Variants in MSRA observed in about 807,000 individuals in gnomAD.
MSRA encodes methionine sulfoxide reductase A, also known as mitochondrial peptide methionine sulfoxide reductase.
A neutral mutation model predicts 31.3 loss-of-function variants in MSRA; 54 were observed. The observed-to-expected ratio is 1.73, with a 90% confidence interval of 1.39 to 2.17. MSRA has a LOEUF of 2.17. MSRA is among the 30% of genes most tolerant of loss of function. The pLI, the probability that MSRA is intolerant of heterozygous loss-of-function variation, is 0.00. For missense variants in MSRA, 507 were observed against 300.9 expected (o/e 1.69, Z -5.07); for synonymous variants, 169 against 116.5 (o/e 1.45, Z -2.90).
chr8:10,254,145 C>G (rs1798058045), intron 3 of MSRA, among the ~76,000 whole-genome samples: 1 of 152,106 alleles, frequency 6.6e-6, no homozygotes, highest in African/African-American at 2.4e-5. Context: ...ATTGTGAAGT[C>G]TCTCAGGGAA....
In MSRA at chr8:10,054,621, G is replaced by A. The variant is rs539805244; in HGVS notation, c.105G>A (p.Glu35=). The A allele has an allele frequency of 1.3e-6, 2 of 1,577,326 alleles. No individual in the cohort carries two copies. The highest frequency in any genetic ancestry group is 2.5e-5 in the East Asian group (1 of 39,782). ...CCTCGAACATCGTCAGCCCCCAGGA[G>A]GCCTTGCCGGGCCGGAAGGAACAGA... ...NSASNIVSPQ[E]ALPGRKEQTP... Residue 35 remains glutamate, a synonymous_variant, in exon 1 of 6, where the codon GAG becomes GAA. Coordinates refer to ENST00000317173, the MANE Select transcript of MSRA (RefSeq NM_012331.5).
chr8:10,315,245 C>T (rs1801646461), intron 4 of MSRA, among the ~76,000 whole-genome samples: 1 of 152,124 alleles, frequency 6.6e-6, no homozygotes, highest in Non-Finnish European at 1.5e-5. Flanking sequence ...TGGGAGGGGA[C>T]ACAGTCAAAC....
chr8:10,329,913 G>A (rs551390079), intron 5 of MSRA, among the ~76,000 whole-genome samples: 1 of 151,556 alleles, frequency 6.6e-6, no homozygotes, highest in East Asian at 1.9e-4. Flanking sequence ...CAATTTTACT[G>A]CTATACTACT....
At chr8:10,170,415 G>A (rs2129046093) in intron 1 of MSRA, among the ~76,000 whole-genome samples, 1 of 152,268 alleles carries the variant, frequency 6.6e-6, no homozygotes, top group South Asian at 2.1e-4. Context: ...CTATGAATTA[G>A]GAAGCAGGTC....
intron 5 of MSRA, among the ~76,000 whole-genome samples, chr8:10,380,821 G>A (rs910602654): frequency 1.3e-5 from 2 of 151,730 alleles, no homozygotes; most frequent in African/African-American, 4.8e-5. Context: ...GGGTTGGGTG[G>A]AGAGATGGAT....
intron 1 of MSRA, among the ~76,000 whole-genome samples, chr8:10,163,093 A>G (rs965314092): frequency 3.9e-5 from 6 of 152,128 alleles, no homozygotes; most frequent in African/African-American, 7.2e-5. Context: ...TCTTTGCACC[A>G]TGGGAGGACA....
chr8:10,216,611 T>C (rs1040521516), intron 2 of MSRA, among the ~76,000 whole-genome samples: 1 of 152,224 alleles, frequency 6.6e-6, no homozygotes, highest in East Asian at 1.9e-4. Context: ...ACCTCTATTC[T>C]ACTTCCTGTC....
At chr8:10,319,138 G>A (rs567790806) in intron 4 of MSRA, among the ~76,000 whole-genome samples, 76 of 152,140 alleles carry the variant, frequency 5.0e-4, no homozygotes, top group African/African-American at 1.8e-3. Flanking sequence ...ATGCCTGCTG[G>A]TCTCTGTTTC....
chr8:10,072,461 C>G (rs963300712), intron 1 of MSRA, among the ~76,000 whole-genome samples: 4 of 152,158 alleles, frequency 2.6e-5, no homozygotes, highest in African/African-American at 9.7e-5. Flanking sequence ...TCCCGTTGAT[C>G]TATGGGTCTC....
chr8:10,403,053 C>G (rs1029974048), intron 5 of MSRA, among the ~76,000 whole-genome samples: 2 of 152,182 alleles, frequency 1.3e-5, no homozygotes, highest in African/African-American at 4.8e-5. Flanking sequence ...ATGCTTGACA[C>G]CTGTCTTGGC....
At chr8:10,070,927 C>T (rs2128918044) in intron 1 of MSRA, among the ~76,000 whole-genome samples, 1 of 152,320 alleles carries the variant, frequency 6.6e-6, no homozygotes, top group East Asian at 1.9e-4. Flanking sequence ...TGTTTCCAGT[C>T]TTTGGCTGTT....
At chr8:10,062,379 C>T (rs1797247938) in intron 1 of MSRA, among the ~76,000 whole-genome samples, 1 of 152,168 alleles carries the variant, frequency 6.6e-6, no homozygotes, top group Non-Finnish European at 1.5e-5. Flanking sequence ...CTACATGCTG[C>T]TCTTATCTTC....
At chr8:10,161,814 C>G (rs1272305724) in intron 1 of MSRA, among the ~76,000 whole-genome samples, 3 of 150,830 alleles carry the variant, frequency 2.0e-5, no homozygotes, top group African/African-American at 7.5e-5. Context: ...GTGGGACCTT[C>G]GTGAATCCCG....
At chr8:10,193,843 T>A (rs1807743115) in intron 1 of MSRA, among the ~76,000 whole-genome samples, 2 of 152,312 alleles carry the variant, frequency 1.3e-5, no homozygotes, top group South Asian at 4.1e-4. Context: ...GTAGCTGATT[T>A]ACATGTGCTG....
chr8:10,059,349 T>TA (rs1802573823), intron 1 of MSRA, among the ~76,000 whole-genome samples: 1 of 152,206 alleles, frequency 6.6e-6, no homozygotes, highest in Non-Finnish European at 1.5e-5. Flanking sequence ...TAGTAACTGT[T>TA]ATCACCACTT....
At chr8:10,221,513 C>G (rs1387876189) in intron 2 of MSRA, among the ~76,000 whole-genome samples, 7 of 151,826 alleles carry the variant, frequency 4.6e-5, no homozygotes, top group Admixed American at 4.6e-4. Flanking sequence ...CATTGACTTC[C>G]CCAGGGTCAG....
intron 1 of MSRA, among the ~76,000 whole-genome samples, chr8:10,101,701 T>C (rs1473966484): frequency 6.6e-6 from 1 of 152,236 alleles, no homozygotes; most frequent in Non-Finnish European, 1.5e-5. Context: ...ATACATGTTT[T>C]AGCATGTGTC....
chr8:10,134,691 G>T (rs1426460375), intron 1 of MSRA, among the ~76,000 whole-genome samples: 2 of 152,224 alleles, frequency 1.3e-5, no homozygotes, highest in Non-Finnish European at 2.9e-5. Flanking sequence ...ACAGGAAACA[G>T]TCCGACTGCT....
intron 5 of MSRA, chr8:10,353,471 G>T (rs1304515756): frequency 8.6e-6 from 3 of 347,150 alleles, no homozygotes. Flanking sequence ...CGTGAGTCCT[G>T]TATTTGGTAC....
Sources: gnomAD v4.1 joint callset for allele counts (sites outside exome capture counted in the v4.1 genomes callset) on GRCh38, gnomAD v4.1.1 for gene constraint, MANE v1.5 for transcripts, NCBI Gene and HGNC (gene_info 2026-07-23, HGNC 2026-07-21) for gene names.